The following C2CD2L variants were observed in gnomAD, a reference collection of about 807,000 sequenced individuals.
The protein encoded by C2CD2L is C2CD2 like, also known as phospholipid transfer protein C2CD2L.
C2CD2L carries 24 observed loss-of-function variants against 69.9 expected under a neutral mutation model. The observed-to-expected ratio is 0.34, with a 90% confidence interval of 0.25 to 0.48. The LOEUF (loss-of-function observed/expected upper bound fraction) is 0.48, where lower values mean the gene tolerates loss of function less well. C2CD2L is among the 20% of genes least tolerant of loss of function. The pLI, the probability that C2CD2L is intolerant of heterozygous loss-of-function variation, is 0.99. For missense variants in C2CD2L, 811 were observed against 941.5 expected (o/e 0.86, Z 1.81); for synonymous variants, 367 against 391.0 (o/e 0.94, Z 0.72).
intron 10 of C2CD2L, 162 bp downstream of exon 10, chr11:119,113,036 C>T (rs2134963880): frequency 6.2e-6 from 4 of 647,028 alleles, no homozygotes; most frequent in Non-Finnish European, 1.1e-5. Context: ...TTGTCTCTTC[C>T]AAACTTTCCC....
chr11:119,110,269 C>T lies in C2CD2L; in HGVS notation c.450+70C>T. 1 of 1,173,848 alleles carries T rather than the reference C, an allele frequency of 8.5e-7. No individual in the cohort carries two copies. Among genetic ancestry groups the T allele is most frequent in the Non-Finnish European group, 1.3e-6 (1 of 787,894 alleles). 72.7% of individuals were successfully genotyped at this position (1,173,848 alleles called of 1,614,324 possible). ...CTGACCCCAAGGGCTCCCTTTAGTC[C>T]AGAGGTTCTTAACCTGGAGTCTGTG... is the stretch of plus-strand genomic sequence containing the variant. On this transcript the variant is annotated intron_variant, in intron 2 of 13. Coordinates refer to ENST00000648610, the MANE Select transcript of C2CD2L (RefSeq NM_001290474.2). The surrounding 1 kb of genome is among the most constrained non-coding windows in gnomAD (Gnocchi z 5.7).
Position 119,114,710 on chromosome 11 carries a change from G to A in C2CD2L, c.1909+345G>A, listed in dbSNP as rs1365963714. On this transcript the variant is annotated intron_variant, in intron 13 of 13. Coordinates refer to ENST00000648610, the MANE Select transcript of C2CD2L (RefSeq NM_001290474.2). The surrounding 1 kb of genome is among the most constrained non-coding windows in gnomAD (Gnocchi z 5.1). The stretch of plus-strand genomic sequence containing the variant: ...CACCGGCACTTTGGGAGGCCAAGGC[G>A]GGTGGCTTACCTGAGTCCAGGAGTT... 9.2e-6 allele frequency: 3 copies of A among 327,328 alleles called. No homozygotes were observed. Among genetic ancestry groups the A allele is most frequent in the Admixed American group, 4.6e-5 (1 of 21,736 alleles). 20.3% of individuals were successfully genotyped at this position (327,328 alleles called of 1,614,324 possible).
chr11:119,118,279 T>A lies in C2CD2L; in HGVS notation c.*2023T>A, dbSNP rs1946939178. ...TCACCTTTCATAGTCTCCGATGTCT[T>A]TTATTCCACTCTATATGTCCATGTA... On this transcript the variant is annotated 3_prime_UTR_variant, in exon 14 of 14. Coordinates refer to ENST00000648610, the MANE Select transcript of C2CD2L (RefSeq NM_001290474.2). The A allele has an allele frequency of 6.6e-6, 1 of 152,194 alleles. No individual in the cohort carries two copies. Among genetic ancestry groups the A allele is most frequent in the Non-Finnish European group, 1.5e-5 (1 of 68,022 alleles). The allele number at this position is 152,194 out of a possible 1,614,324, so 9.4% of individuals were successfully genotyped here. A position where few individuals can be genotyped will look rare whatever the true frequency, so the allele number is the denominator to read the frequency against.
At chr11:119,102,322 G>A (rs1238315908), upstream of C2CD2L, 2 of 471,478 alleles carry the variant, frequency 4.2e-6, no homozygotes, top group African/African-American at 4.0e-5. Flanking sequence ...CGAGGGTGTG[G>A]AGACGCGCCT....
rs1946698791 is a variant in C2CD2L at position 119,110,242 on chromosome 11, G to A, written c.450+43G>A. ...ACTGCCCTCTTTGGGGTCCAAGAAGGACTGACCCCAAGGGCTCCCTTTAGT... is the reference window on the plus strand; with the variant it reads ...ACTGCCCTCTTTGGGGTCCAAGAAGAACTGACCCCAAGGGCTCCCTTTAGT... On this transcript the variant is annotated intron_variant, in intron 2 of 13. Transcript: ENST00000648610. The surrounding 1 kb of genome is among the most constrained non-coding windows in gnomAD (Gnocchi z 5.7). 7.1e-7 allele frequency: 1 copy of A among 1,414,138 alleles called. No individual in the cohort carries two copies. Among genetic ancestry groups the A allele is most frequent in the African/African-American group, 1.4e-5 (1 of 70,834 alleles). The allele number at this position is 1,414,138 out of a possible 1,614,324, so 87.6% of individuals were successfully genotyped here.
chr11:119,111,441 TGCCAAGGGTACA>T, intron 6 of C2CD2L, 67 bp downstream of exon 6: 1 of 1,593,196 alleles, frequency 6.3e-7, no homozygotes, highest in South Asian at 1.1e-5. Flanking sequence ...TCTGCCCCTC[TGCCAAGGGTACA>T]GCCTCTTTAT....
chr11:119,107,773 G>T lies in C2CD2L; in HGVS notation c.32G>T (p.Gly11Val). The change falls in exon 1 of 14, where the codon GGC (glycine) becomes GTC (valine). Residue 11 changes from glycine to valine, a missense_variant. Coordinates refer to ENST00000648610, the MANE Select transcript of C2CD2L (RefSeq NM_001290474.2). This position sits in a 1 kb window ranked among gnomAD's most constrained non-coding sequence, Gnocchi z 5.4. ...CCGGGCTGGGGGCAGCGGGACGTGGGCTGGGCGGCCTTGCTGATCCTCTTC... is the reference window on the plus strand; with the variant it reads ...CCGGGCTGGGGGCAGCGGGACGTGGTCTGGGCGGCCTTGCTGATCCTCTTC... MDPGWGQRDVGWAALLILFAA... is the reference protein window; with the variant it reads MDPGWGQRDVVWAALLILFAA... 2.6e-6 allele frequency: 4 copies of T among 1,542,256 alleles called. No homozygotes were observed. The highest frequency in any genetic ancestry group is 3.5e-6 in the Non-Finnish European group (4 of 1,157,296).
rs779890004 is a variant in C2CD2L at position 119,112,426 on chromosome 11, G to C, written c.1084+34G>C. 3.7e-6 allele frequency: 6 copies of C among 1,613,720 alleles called. No individual in the cohort carries two copies. The East Asian group carries it at 8.9e-5, about 24-fold the overall frequency. ...GGGGTGGGAGGGGCACCCCTGGGTG[G>C]GTACAGAGTGGGGTCTGGCCATGGG... On this transcript the variant is annotated intron_variant, in intron 8 of 13. Transcript: ENST00000648610.
chr11:119,110,030 C>A lies in C2CD2L; in HGVS notation c.355-74C>A. 9.2e-7 allele frequency: 1 copy of A among 1,081,722 alleles called. No individual in the cohort carries two copies. Among genetic ancestry groups the A allele is most frequent in the Non-Finnish European group, 1.4e-6 (1 of 697,178 alleles). The allele number at this position is 1,081,722 out of a possible 1,614,324, so 67.0% of individuals were successfully genotyped here. A position where few individuals can be genotyped will look rare whatever the true frequency, so the allele number is the denominator to read the frequency against. ...AGGCCTCCGCAGTGGCAGAGTCCAG[C>A]CAGCAACTGAGCAGGCCAACCCTGT... On this transcript the variant is annotated intron_variant, in intron 1 of 13. Coordinates refer to ENST00000648610, the MANE Select transcript of C2CD2L (RefSeq NM_001290474.2). This position sits in a 1 kb window ranked among gnomAD's most constrained non-coding sequence, Gnocchi z 5.7.
chr11:119,112,061 G>T, intron 7 of C2CD2L: 1 of 514,856 alleles, frequency 1.9e-6, no homozygotes, highest in Admixed American at 3.7e-5. Flanking sequence ...AAATGAAAGA[G>T]GGTGGCTTGC....
rs901089236 is a variant in C2CD2L at position 119,116,444 on chromosome 11, G to A, written c.*188G>A. ...GGAAGCACATGAGAGGTGGGCACCC[G>A]GTGCCGAGGACATGGACGAGGGACT... On this transcript the variant is annotated 3_prime_UTR_variant, in exon 14 of 14. Transcript: ENST00000648610. 3.3e-6 allele frequency: 2 copies of A among 604,154 alleles called. No individual in the cohort carries two copies. Among genetic ancestry groups the A allele is most frequent in the African/African-American group, 3.7e-5 (2 of 53,978 alleles). 37.4% of individuals were successfully genotyped at this position (604,154 alleles called of 1,614,324 possible).
intron 10 of C2CD2L, chr11:119,113,241 C>CA: frequency 2.6e-6 from 1 of 390,688 alleles, no homozygotes; most frequent in South Asian, 3.8e-5. Context: ...TGGGGTCCTC[C>CA]AACAAACCCA....
rs1280854640 is a variant in C2CD2L, at chr11:119,117,537, A to C, written c.*1281A>C. 6.6e-6 allele frequency: 1 copy of C among 152,220 alleles called. No individual in the cohort carries two copies. The highest frequency in any genetic ancestry group is 1.5e-5 in the Non-Finnish European group (1 of 68,036). The allele number at this position is 152,220 out of a possible 1,614,324, so 9.4% of individuals were successfully genotyped here. ...TTCTCATCTGTAAAATGGGAACTTC[A>C]ATCATCATGGCTATCATTTGGTTGT... is the stretch of plus-strand genomic sequence containing the variant. On this transcript the variant is annotated 3_prime_UTR_variant, in exon 14 of 14. Coordinates refer to ENST00000648610, the MANE Select transcript of C2CD2L (RefSeq NM_001290474.2).
rs774695637 is a variant in C2CD2L, at chr11:119,110,638, C to T, written c.528C>T (p.Ser176=). 2 of 1,613,626 alleles carry T rather than the reference C, an allele frequency of 1.2e-6. No individual in the cohort carries two copies. Among genetic ancestry groups the T allele is most frequent in the Non-Finnish European group, 1.7e-6 (2 of 1,179,956 alleles). The change falls in exon 3 of 14, where the codon TCC becomes TCT. Residue 176 remains serine, a synonymous_variant. Coordinates refer to ENST00000648610, the MANE Select transcript of C2CD2L (RefSeq NM_001290474.2). The surrounding 1 kb of genome is among the most constrained non-coding windows in gnomAD (Gnocchi z 5.7). ...SVTQQSPAAV[S]METYHVTLTL... ...CCCAGCAGTCCCCCGCTGCCGTCTC[C>T]ATGGAGACCTACCACGTCACTCTGA...
At position 119,109,950 on chromosome 11, in the gene C2CD2L, A is replaced by C. The variant is rs1472093674; in HGVS notation, c.355-154A>C. ...TGGAGAGGCAGGCCTTGAGGGGACT[A>C]CCTCCTGTCTTAAAGCCCTGAGCCA... On this transcript the variant is annotated intron_variant, in intron 1 of 13. Coordinates refer to ENST00000648610, the MANE Select transcript of C2CD2L (RefSeq NM_001290474.2). This position sits in a 1 kb window ranked among gnomAD's most constrained non-coding sequence, Gnocchi z 5.1. Among the ~76,000 whole-genome samples, 1 of 152,020 alleles carries C rather than the reference A, an allele frequency of 6.6e-6. No homozygotes were observed. The highest frequency in any genetic ancestry group is 1.5e-5 in the Non-Finnish European group (1 of 67,992).
In C2CD2L at chr11:119,115,822, A is replaced by T. The variant is rs532445590; in HGVS notation, c.1910-223A>T. ...TACCACGATTTTTGCCTCAGGAAGG[A>T]TAAAGCACATGTTTGTTTCTGCTTT... On this transcript the variant is annotated intron_variant, in intron 13 of 13. Coordinates refer to ENST00000648610, the MANE Select transcript of C2CD2L (RefSeq NM_001290474.2). 6.7e-5 allele frequency: 40 copies of T among 593,986 alleles called. No individual in the cohort carries two copies. The East Asian group carries it at 9.7e-4, about 14-fold the overall frequency. The allele number at this position is 593,986 out of a possible 1,614,324, so 36.8% of individuals were successfully genotyped here. A position where few individuals can be genotyped will look rare whatever the true frequency, so the allele number is the denominator to read the frequency against.
At chr11:119,103,645 C>T (rs573139973), upstream of C2CD2L, among the ~76,000 whole-genome samples, 4 of 151,882 alleles carry the variant, frequency 2.6e-5, no homozygotes, top group Admixed American at 2.0e-4. Flanking sequence ...TGCAGTGAGC[C>T]GCGATCATGC....
rs1245360762 is a variant in C2CD2L at position 119,110,283 on chromosome 11, C to G, written c.450+84C>G. On this transcript the variant is annotated intron_variant, in intron 2 of 13. Coordinates refer to ENST00000648610, the MANE Select transcript of C2CD2L (RefSeq NM_001290474.2). This position sits in a 1 kb window ranked among gnomAD's most constrained non-coding sequence, Gnocchi z 5.7. ...TCCCTTTAGTCCAGAGGTTCTTAAC[C>G]TGGAGTCTGTGAATGCCTTATGGAT... 3 of 1,058,016 alleles carry G rather than the reference C, an allele frequency of 2.8e-6. No homozygotes were observed. The highest frequency in any genetic ancestry group is 4.3e-6 in the Non-Finnish European group (3 of 694,780). The allele number at this position is 1,058,016 out of a possible 1,614,324, so 65.5% of individuals were successfully genotyped here.
chr11:119,107,508 G>A lies in C2CD2L; in HGVS notation c.-234G>A. The A allele has an allele frequency of 2.5e-6, 1 of 392,814 alleles. No individual in the cohort carries two copies. The allele number at this position is 392,814 out of a possible 1,614,324, so 24.3% of individuals were successfully genotyped here. A position where few individuals can be genotyped will look rare whatever the true frequency, so the allele number is the denominator to read the frequency against. ...ACTAACGGGTCCGACTGCTGACCAA[G>A]CTAGGAGAGACCCGGACCACGGAGA... On this transcript the variant is annotated 5_prime_UTR_variant, in exon 1 of 14. Transcript: ENST00000648610. The surrounding 1 kb of genome is among the most constrained non-coding windows in gnomAD (Gnocchi z 5.4).
Sources: allele counts gnomAD v4.1 joint callset (sites outside exome capture counted in the v4.1 genomes callset), GRCh38; gene constraint gnomAD v4.1.1; non-coding constraint Gnocchi (gnomAD v3.1); transcripts MANE v1.5; gene names NCBI Gene and HGNC (gene_info 2026-07-23, HGNC 2026-07-21).